Variants in RAB3C observed in about 807,000 individuals in gnomAD.
RAB3C encodes the protein ras-related protein Rab-3C.
Under a neutral mutation model 26.4 loss-of-function variants are expected in RAB3C, and 17 were observed. That is an observed-to-expected ratio of 0.64 (90% CI 0.44 to 0.97). The LOEUF (loss-of-function observed/expected upper bound fraction) is 0.97. Among genes scored for constraint, RAB3C ranks in the 50% least tolerant of loss-of-function variants. The pLI, the probability that RAB3C is intolerant of heterozygous loss-of-function variation, is 0.00. For missense variants in RAB3C, 242 were observed against 281.9 expected, an observed-to-expected ratio of 0.86 and a Z score of 1.01; for synonymous variants, 91 against 95.9, an observed-to-expected ratio of 0.95 and a Z score of 0.30.
intron 1 of RAB3C, among the ~76,000 whole-genome samples, chr5:58,605,042 A>G (rs1413009320): frequency 1.3e-5 from 2 of 152,050 alleles, no homozygotes; most frequent in African/African-American, 2.4e-5. Context: ...AATTTAACTC[A>G]GCTCCAGGTA....
At position 58,716,909 on chromosome 5, in the gene RAB3C, C is replaced by T. The variant is rs192806106; in HGVS notation, c.253-9093C>T. Reference sequence around the variant, plus strand: ...GAATTCATGTCATTACAAATTTCTGCAAAACCACAGGATGTAAAGCACCAT... The same window carrying T: ...GAATTCATGTCATTACAAATTTCTGTAAAACCACAGGATGTAAAGCACCAT... On this transcript the variant is annotated intron_variant, in intron 2 of 4. Coordinates refer to ENST00000282878, the MANE Select transcript of RAB3C (RefSeq NM_138453.4). Among the ~76,000 whole-genome samples, 1,000 of 151,712 alleles carry T rather than the reference C, an allele frequency of 6.6e-3. 1 individual carries two copies. The highest frequency in any genetic ancestry group is 0.011 in the Non-Finnish European group (753 of 67,930).
chr5:58,821,398 GA>G (rs1480729608), intron 3 of RAB3C, among the ~76,000 whole-genome samples: 1 of 152,150 alleles, frequency 6.6e-6, no homozygotes, highest in Non-Finnish European at 1.5e-5. Context: ...TCCTTTAAAA[GA>G]AACTTTTGAC....
intron 1 of RAB3C, among the ~76,000 whole-genome samples, chr5:58,583,764 C>T (rs1376738860): frequency 3.9e-5 from 6 of 152,152 alleles, no homozygotes; most frequent in Non-Finnish European, 5.9e-5. Flanking sequence ...GCAAACACAT[C>T]GGGGCTTGGC....
At chr5:58,661,692 G>A (rs1010316800) in intron 2 of RAB3C, among the ~76,000 whole-genome samples, 1 of 147,216 alleles carries the variant, frequency 6.8e-6, no homozygotes, top group Non-Finnish European at 1.5e-5. Context: ...GGTCTTAAAG[G>A]TTAGACAAGG....
intron 3 of RAB3C, among the ~76,000 whole-genome samples, chr5:58,738,014 T>C (rs1386723712): frequency 6.6e-6 from 1 of 152,248 alleles, no homozygotes; most frequent in Non-Finnish European, 1.5e-5. Context: ...GATGGGGGTA[T>C]ATTTGCAGTA....
chr5:58,687,858 A>T (rs1748478227), intron 2 of RAB3C, among the ~76,000 whole-genome samples: 1 of 152,140 alleles, frequency 6.6e-6, no homozygotes, highest in South Asian at 2.1e-4. Context: ...TCTTCAGTTT[A>T]TGAAACCTTG....
Position 58,801,683 on chromosome 5 carries a change from A to G in RAB3C, c.372-23355A>G, listed in dbSNP as rs548768559. On this transcript the variant is annotated intron_variant, in intron 3 of 4. Transcript: ENST00000282878. ...CCAGAGGCCAACTCTCTGGAGATGT[A>G]ACAAAGCCAACAGATTATGAGACCC... is the stretch of plus-strand genomic sequence containing the variant. Among the ~76,000 whole-genome samples, 22 of 152,380 alleles carry G rather than the reference A, an allele frequency of 1.4e-4. No homozygotes were observed. In the East Asian group the frequency reaches 4.2e-3, roughly 29 times the overall value.
intron 1 of RAB3C, among the ~76,000 whole-genome samples, chr5:58,613,876 G>A (rs73098348): frequency 0.02 from 2,998 of 152,058 alleles, 99 homozygotes; most frequent in African/African-American, 0.069. Context: ...CATCCAAGCA[G>A]GAGGAGAGAA....
chr5:58,627,359 G>A (rs1292164762), intron 2 of RAB3C, among the ~76,000 whole-genome samples: 1 of 85,648 alleles, frequency 1.2e-5, no homozygotes, highest in African/African-American at 5.0e-5. Flanking sequence ...CAGCTACTCG[G>A]GAGGCTGAGG....
chr5:58,628,366 A>G (rs2111743200), intron 2 of RAB3C, among the ~76,000 whole-genome samples: 1 of 152,274 alleles, frequency 6.6e-6, no homozygotes, highest in South Asian at 2.1e-4. Context: ...TAATAAGGGA[A>G]GATGCAGACT....
intron 3 of RAB3C, among the ~76,000 whole-genome samples, chr5:58,795,464 A>G (rs1168437423): frequency 6.6e-6 from 1 of 151,988 alleles, no homozygotes; most frequent in East Asian, 1.9e-4. Context: ...AGGAAGCCAC[A>G]CTCCAGCCTA....
chr5:58,620,056 C>T (rs1447115073), intron 2 of RAB3C, among the ~76,000 whole-genome samples: 1 of 151,946 alleles, frequency 6.6e-6, no homozygotes, highest in Admixed American at 6.6e-5. Flanking sequence ...TGCCTCTAAT[C>T]TTCTACAATC....
chr5:58,583,475 A>G (rs1370313065), intron 1 of RAB3C, among the ~76,000 whole-genome samples: 1 of 152,094 alleles, frequency 6.6e-6, no homozygotes, highest in South Asian at 2.1e-4. Context: ...AGAGGATAAG[A>G]GTGTCTGTCT....
rs75299249 is a variant in RAB3C at position 58,782,152 on chromosome 5, A to T, written c.372-42886A>T. On this transcript the variant is annotated intron_variant, in intron 3 of 4. Transcript: ENST00000282878. ...GGTCAATAAAGCTTTGGAGAGAGAA[A>T]GAATGAATGAATGAATGGGAAGCGG... 7.1e-3 allele frequency among the ~76,000 whole-genome samples: 1,077 copies of T among 152,256 alleles called. 3 individuals carry two copies. Among genetic ancestry groups the T allele is most frequent in the Middle Eastern group, 0.024 (7 of 294 alleles).
intron 1 of RAB3C, among the ~76,000 whole-genome samples, chr5:58,587,658 C>A (rs1746040371): frequency 6.6e-6 from 1 of 152,250 alleles, no homozygotes; most frequent in South Asian, 2.1e-4. Context: ...GTGTAACACA[C>A]ACCATTATAA....
intron 3 of RAB3C, among the ~76,000 whole-genome samples, chr5:58,781,310 G>C (rs1742264842): frequency 6.6e-6 from 1 of 152,062 alleles, no homozygotes; most frequent in Non-Finnish European, 1.5e-5. Flanking sequence ...ATTAATACTT[G>C]TATATGTATT....
At chr5:58,684,856 C>T (rs1022098022) in intron 2 of RAB3C, among the ~76,000 whole-genome samples, 12 of 152,210 alleles carry the variant, frequency 7.9e-5, no homozygotes, top group Middle Eastern at 3.4e-3. Flanking sequence ...CATGTGGGCT[C>T]CTGGGTCAAA....
At chr5:58,631,946 G>A (rs1227807388) in intron 2 of RAB3C, among the ~76,000 whole-genome samples, 3 of 152,334 alleles carry the variant, frequency 2.0e-5, no homozygotes, top group African/African-American at 7.2e-5. Flanking sequence ...GTGGTTTTGA[G>A]AATGAAATTC....
At chr5:58,693,338 A>ATGTATG (rs1232622191) in intron 2 of RAB3C, among the ~76,000 whole-genome samples, 9 of 124,568 alleles carry the variant, frequency 7.2e-5, no homozygotes, top group Non-Finnish European at 1.0e-4. Flanking sequence ...ATATATGTGT[A>ATGTATG]TATATATATA....
Sources: gnomAD v4.1 joint callset for allele counts (sites outside exome capture counted in the v4.1 genomes callset) on GRCh38, gnomAD v4.1.1 for gene constraint, MANE v1.5 for transcripts, NCBI Gene and HGNC (gene_info 2026-07-23, HGNC 2026-07-21) for gene names.